The following TVP23A variants were observed in gnomAD, a reference collection of about 807,000 sequenced individuals.
TVP23A encodes the protein trans-golgi network vesicle protein 23 homolog A, also known as Golgi apparatus membrane protein TVP23 homolog A.
TVP23A carries 21 observed loss-of-function variants against 31.7 expected under a neutral mutation model. The ratio of observed to expected loss-of-function variants is 0.66; its 90% CI spans 0.47 to 0.95. The LOEUF (loss-of-function observed/expected upper bound fraction) is 0.95, where lower values mean the gene tolerates loss of function less well. Among genes scored for constraint, TVP23A ranks in the 40% least tolerant of loss-of-function variants. TVP23A has a pLI of 0.00. For missense variants in TVP23A, 279 were observed against 255.6 expected (o/e 1.09, Z -0.62); for synonymous variants, 104 against 96.0 (o/e 1.08, Z -0.49).
chr16:10,818,731 G>C lies in TVP23A; in HGVS notation c.-238C>G. ...CTCGGCTCGCCGGGGACGCGCCCAG[G>C]AGAGAAAGCGGCGGCAGGGAGGCAA... On this transcript the variant is annotated 5_prime_UTR_variant, in exon 1 of 8. Transcript: ENST00000299866. The surrounding 1 kb of genome is among the most constrained non-coding windows in gnomAD (Gnocchi z 4.7). 1 of 500,678 alleles carries C rather than the reference G, an allele frequency of 2.0e-6. No individual in the cohort carries two copies. Among genetic ancestry groups the C allele is most frequent in the East Asian group, 3.6e-5 (1 of 28,168 alleles). The allele number at this position is 500,678 out of a possible 1,614,324, so 31.0% of individuals were successfully genotyped here. A position where few individuals can be genotyped will look rare whatever the true frequency, so the allele number is the denominator to read the frequency against.
Sources: gnomAD v4.1 joint callset for allele counts on GRCh38, gnomAD v4.1.1 for gene constraint, Gnocchi (gnomAD v3.1) non-coding constraint, MANE v1.5 for transcripts, NCBI Gene and HGNC (gene_info 2026-07-23, HGNC 2026-07-21) for gene names.